Variants in GRM7 observed in about 807,000 individuals in gnomAD.
GRM7 encodes glutamate metabotropic receptor 7.
In GRM7, 35 loss-of-function variants were observed where a neutral mutation model predicts 84.5. The observed-to-expected ratio is 0.41, with a 90% CI of 0.32 to 0.55. The LOEUF (loss-of-function observed/expected upper bound fraction) is 0.55, where lower values mean the gene tolerates loss of function less well. GRM7 is among the 20% of genes least tolerant of loss of function. The pLI is 0.19. For synonymous variants in GRM7, 487 were observed against 455.1 expected, an observed-to-expected ratio of 1.07 and a Z score of -0.89; for missense variants, 1,003 against 1,194.6, an observed-to-expected ratio of 0.84 and a Z score of 2.36.
chr3:7,483,234 TAATA>T (rs1010634328), intron 7 of GRM7, among the ~76,000 whole-genome samples: 1 of 152,114 alleles, frequency 6.6e-6, no homozygotes, highest in Non-Finnish European at 1.5e-5. Flanking sequence ...AGTGATAAAC[TAATA>T]AATAAATAAA....
At chr3:7,722,155 T>C (rs753006666) in intron 9 of GRM7, among the ~76,000 whole-genome samples, 13 of 152,200 alleles carry the variant, frequency 8.5e-5, no homozygotes, top group Non-Finnish European at 1.6e-4. Context: ...AGGACCCCTT[T>C]CTGTCGAGAG....
At chr3:7,499,564 T>C (rs919278847) in intron 7 of GRM7, among the ~76,000 whole-genome samples, 1 of 152,192 alleles carries the variant, frequency 6.6e-6, no homozygotes, top group Non-Finnish European at 1.5e-5. Context: ...ACATGTTTAT[T>C]CTCACAAAAT....
intron 1 of GRM7, among the ~76,000 whole-genome samples, chr3:7,054,887 G>T (rs1397523808): frequency 6.6e-6 from 1 of 151,754 alleles, no homozygotes; most frequent in African/African-American, 2.4e-5. Context: ...CTCTCCTTAG[G>T]TTTCTCCCAC....
At chr3:6,972,264 A>G (rs1263370669) in intron 1 of GRM7, among the ~76,000 whole-genome samples, 1 of 151,914 alleles carries the variant, frequency 6.6e-6, no homozygotes, top group African/African-American at 2.4e-5. Context: ...ATTAAAAAAG[A>G]CTCCTGTGAA....
At chr3:7,252,625 C>G (rs1698032880) in intron 2 of GRM7, among the ~76,000 whole-genome samples, 1 of 141,550 alleles carries the variant, frequency 7.1e-6, no homozygotes, top group South Asian at 2.4e-4. Context: ...ATCTAGATTT[C>G]TGGCTTGGCT....
At chr3:7,099,358 A>G (rs1208679676) in intron 1 of GRM7, among the ~76,000 whole-genome samples, 1 of 148,276 alleles carries the variant, frequency 6.7e-6, no homozygotes, top group African/African-American at 2.5e-5. Context: ...ATATATGTAC[A>G]CATGTATACA....
At chr3:7,655,349 A>G (rs1273486229) in intron 8 of GRM7, among the ~76,000 whole-genome samples, 1 of 152,170 alleles carries the variant, frequency 6.6e-6, no homozygotes, top group Non-Finnish European at 1.5e-5. Flanking sequence ...AAAGTTATCA[A>G]CTCTTCACCC....
chr3:7,199,401 A>G (rs1364458166), intron 2 of GRM7, among the ~76,000 whole-genome samples: 1 of 152,200 alleles, frequency 6.6e-6, no homozygotes, highest in Non-Finnish European at 1.5e-5. Context: ...AAGCAGAAGA[A>G]CCACTTAGCC....
chr3:7,486,291 C>T lies in GRM7; in HGVS notation c.1515+24569C>T, dbSNP rs753507734. Among the ~76,000 whole-genome samples, 6 of 151,954 alleles carry T rather than the reference C, an allele frequency of 3.9e-5. No individual in the cohort carries two copies. The highest frequency in any genetic ancestry group is 1.3e-4 in the Admixed American group (2 of 15,250). On this transcript the variant is annotated intron_variant, in intron 7 of 9. Coordinates refer to ENST00000357716, the MANE Select transcript of GRM7 (RefSeq NM_000844.4). This position sits in a 1 kb window ranked among gnomAD's most constrained non-coding sequence, Gnocchi z 5.5. ...CAAGAAATGATGGTAATGATAATGGCGATGATGGTGATAAAAGGTAGGAAG... is the reference window on the plus strand; with the variant it reads ...CAAGAAATGATGGTAATGATAATGGTGATGATGGTGATAAAAGGTAGGAAG...
intron 7 of GRM7, among the ~76,000 whole-genome samples, chr3:7,551,150 A>T (rs116521234): frequency 4.4e-3 from 671 of 152,350 alleles, no homozygotes; most frequent in African/African-American, 0.015. Flanking sequence ...AAGAATATTT[A>T]TATAGCACAC....
intron 4 of GRM7, among the ~76,000 whole-genome samples, chr3:7,333,559 G>A (rs112188094): frequency 0.039 from 5,973 of 152,188 alleles, 249 homozygotes; most frequent in African/African-American, 0.11. Context: ...ATGACAAAAT[G>A]AGGTTCTATA....
intron 2 of GRM7, among the ~76,000 whole-genome samples, chr3:7,169,206 T>C (rs932557199): frequency 6.6e-6 from 1 of 152,166 alleles, no homozygotes. Flanking sequence ...CATTTTTTTT[T>C]GAATTTTTCA....
intron 4 of GRM7, among the ~76,000 whole-genome samples, chr3:7,367,910 C>A (rs866737925): frequency 1.4e-5 from 2 of 141,524 alleles, no homozygotes; most frequent in Non-Finnish European, 3.0e-5. Context: ...CCAAACCTGA[C>A]TATTAAGGGA....
rs372374551 is a variant in GRM7 at position 7,006,929 on chromosome 3, G to T, written c.520-139523G>T. ...AATAATAACGATAAATAAAGCATATGAAAATAACTTCAAACAGTACAGAAT... is the reference window on the plus strand; with the variant it reads ...AATAATAACGATAAATAAAGCATATTAAAATAACTTCAAACAGTACAGAAT... On this transcript the variant is annotated intron_variant, in intron 1 of 9. Transcript: ENST00000357716. Among the ~76,000 whole-genome samples, 50 of 152,254 alleles carry T rather than the reference G, an allele frequency of 3.3e-4. 2 individuals are homozygous for T. In the East Asian group the frequency reaches 8.1e-3, roughly 25 times the overall value.
At chr3:6,914,129 C>T (rs368034538) in intron 1 of GRM7, among the ~76,000 whole-genome samples, 11 of 152,174 alleles carry the variant, frequency 7.2e-5, no homozygotes, top group East Asian at 1.9e-4. Flanking sequence ...ATTCACAGGA[C>T]TGAATCCTCC....
At chr3:7,648,132 C>A (rs1229980175) in intron 8 of GRM7, among the ~76,000 whole-genome samples, 1 of 152,152 alleles carries the variant, frequency 6.6e-6, no homozygotes, top group Admixed American at 6.5e-5. Flanking sequence ...GTATCTAAAG[C>A]TTTCATTCTT....
intron 7 of GRM7, among the ~76,000 whole-genome samples, chr3:7,544,972 C>T (rs1241753984): frequency 6.6e-6 from 1 of 152,172 alleles, no homozygotes; most frequent in African/African-American, 2.4e-5. Context: ...CTTAATACTG[C>T]AAGTTATATG....
chr3:7,359,010 T>A (rs1693538720), intron 4 of GRM7, among the ~76,000 whole-genome samples: 2 of 150,586 alleles, frequency 1.3e-5, no homozygotes, highest in South Asian at 4.2e-4. Context: ...TCCCAGCTAC[T>A]CTGGAAGCTG....
intron 2 of GRM7, among the ~76,000 whole-genome samples, chr3:7,268,997 GT>G (rs2124973798): frequency 6.6e-6 from 1 of 152,226 alleles, no homozygotes; most frequent in South Asian, 2.1e-4. Context: ...GACAGAATGT[GT>G]TTGCATGTCT....
Sources: gnomAD v4.1 joint callset for allele counts (sites outside exome capture counted in the v4.1 genomes callset) on GRCh38, gnomAD v4.1.1 for gene constraint, Gnocchi (gnomAD v3.1) non-coding constraint, MANE v1.5 for transcripts, NCBI Gene and HGNC (gene_info 2026-07-23, HGNC 2026-07-21) for gene names.